Variants in PRDX4 observed in about 807,000 individuals in gnomAD.
PRDX4 encodes the protein peroxiredoxin-4.
Under a neutral mutation model 20.5 loss-of-function variants are expected in PRDX4, and 12 were observed. The observed-to-expected ratio is 0.58, with a 90% confidence interval of 0.37 to 0.95. The LOEUF is 0.95. Among genes scored for constraint, PRDX4 ranks in the 40% least tolerant of loss-of-function variants. The pLI, the probability that PRDX4 is intolerant of heterozygous loss-of-function variation, is 0.01. For synonymous variants in PRDX4, 99 were observed against 87.5 expected, an observed-to-expected ratio of 1.13 and a Z score of -0.73; for missense variants, 180 against 207.3, an observed-to-expected ratio of 0.87 and a Z score of 0.81.
intron 4 of PRDX4, among the ~76,000 whole-genome samples, chrX:23,681,163 G>T (rs1013668207): frequency 9.0e-6 from 1 of 111,433 alleles, no homozygotes; most frequent in Non-Finnish European, 1.9e-5. Context: ...ACCCTGGGGG[G>T]CGGAGTCTGC....
intron 1 of PRDX4, among the ~76,000 whole-genome samples, chrX:23,668,046 G>T (rs185092272): frequency 8.9e-6 from 1 of 112,266 alleles, no homozygotes; most frequent in East Asian, 2.8e-4. Context: ...CCCAAAAGCC[G>T]CAGCTGAGGG....
intron 2 of PRDX4, among the ~76,000 whole-genome samples, chrX:23,673,508 T>C (rs891233862): frequency 1.8e-5 from 2 of 112,565 alleles, no homozygotes; most frequent in Admixed American, 1.9e-4. Context: ...ATCCCAGCAC[T>C]TTGGGAGGCC....
chrX:23,676,571 A>T (rs1239143022), intron 3 of PRDX4, among the ~76,000 whole-genome samples: 1 of 110,204 alleles, frequency 9.1e-6, no homozygotes, highest in Non-Finnish European at 1.9e-5. Context: ...CAGGAGAATC[A>T]TTTCAACCCA....
chrX:23,673,801 T>C (rs501655), intron 2 of PRDX4, among the ~76,000 whole-genome samples: 1 of 107,643 alleles, frequency 9.3e-6, no homozygotes, highest in East Asian at 2.9e-4. Flanking sequence ...TCCTACCCTT[T>C]AGAAAATATT....
intron 5 of PRDX4, among the ~76,000 whole-genome samples, chrX:23,682,853 AATATAT>A (rs1173209030): frequency 4.8e-3 from 71 of 14,873 alleles, no homozygotes; most frequent in Middle Eastern, 0.059. Flanking sequence ...AAAAAAAAAA[AATATAT>A]ATATATATAT....
intron 5 of PRDX4, among the ~76,000 whole-genome samples, chrX:23,682,738 T>C (rs1928096142): frequency 2.0e-5 from 2 of 98,079 alleles, no homozygotes; most frequent in South Asian, 1.0e-3. Flanking sequence ...CCCAGCATTT[T>C]GGGAGGCCAA....
In PRDX4 at chrX:23,682,452, T is replaced by C; in HGVS notation, c.656T>C (p.Leu219Pro). Residue 219 changes from leucine (L) to proline (P), a missense_variant, in exon 5 of 7, where the codon CTT becomes CCT. Around this residue, in one of 3 missense-constraint regions of PRDX4, gnomAD observed 73 missense variants for 76.5 expected, o/e 0.95. Coordinates refer to ENST00000379341, the MANE Select transcript of PRDX4 (RefSeq NM_006406.2). The part of the protein sequence containing the change: ...GILRQITLND[L>P]PVGRSVDETL... ...CTAAGACAAATTACTCTGAATGATC[T>C]TCCTGTGGGTAGATCAGTGGATGAG... is the stretch of plus-strand genomic sequence containing the variant. 1 of 1,180,496 alleles carries C rather than the reference T, an allele frequency of 8.5e-7. No individual in the cohort carries two copies. Among genetic ancestry groups the C allele is most frequent in the Non-Finnish European group, 1.1e-6 (1 of 874,659 alleles).
At chrX:23,683,241 T>C (rs1190832239) in intron 5 of PRDX4, among the ~76,000 whole-genome samples, 1 of 111,024 alleles carries the variant, frequency 9.0e-6, no homozygotes, top group East Asian at 2.8e-4. Context: ...CAGGATGCAT[T>C]CTAATGTCTC....
At chrX:23,684,260 C>T (rs1281820995) in intron 6 of PRDX4, among the ~76,000 whole-genome samples, 2 of 106,633 alleles carry the variant, frequency 1.9e-5, no homozygotes, top group Non-Finnish European at 1.9e-5. Flanking sequence ...ATACACCGTT[C>T]GAAAAAAAAA....
At chrX:23,677,798 T>A (rs745672654) in intron 3 of PRDX4, among the ~76,000 whole-genome samples, 1 of 111,793 alleles carries the variant, frequency 8.9e-6, no homozygotes, top group African/African-American at 3.2e-5. Context: ...TCAGCAGTGT[T>A]TATAAAGCAA....
chrX:23,679,774 C>T (rs113835086), intron 4 of PRDX4, among the ~76,000 whole-genome samples: 1,341 of 109,473 alleles, frequency 0.012, 15 homozygotes, highest in Middle Eastern at 0.047. Context: ...GTCAAGATAT[C>T]GAGACTATCC....
rs1927820140 is a variant in PRDX4, at chrX:23,670,330, T to C, written c.242-1199T>C. 4.5e-5 allele frequency among the ~76,000 whole-genome samples: 5 copies of C among 112,212 alleles called. No individual in the cohort carries two copies. In the South Asian group the frequency reaches 1.8e-3, roughly 41 times the overall value. ...TTTTAAGTAATTTATTTAAAGTATA[T>C]ATAATTGAATACTCTTCTGCTGTCT... On this transcript the variant is annotated intron_variant, in intron 1 of 6. Transcript: ENST00000379341.
At position 23,667,801 on chromosome X, in the gene PRDX4, C is replaced by G. The variant is rs1927761492; in HGVS notation, c.231C>G (p.Ser77Arg). The G allele has an allele frequency of 8.3e-7, 1 of 1,209,218 alleles. No individual in the cohort carries two copies. The highest frequency in any genetic ancestry group is 1.8e-5 in the African/African-American group (1 of 57,079). ...VSVADHSLHL[S>R]KAKISKPAPY... The stretch of plus-strand genomic sequence containing the variant: ...TCGCCGACCACTCCCTGCACCTAAG[C>G]AAAGCGAAGAGTAGGTGGTGTCCCG... Residue 77 changes from serine to arginine, a missense_variant, in exon 1 of 7, where the codon AGC becomes AGG. Ser to Arg is a moderately radical substitution (Grantham distance 110, BLOSUM62 -1). Coordinates refer to ENST00000379341, the MANE Select transcript of PRDX4 (RefSeq NM_006406.2).
chrX:23,675,131 T>C (rs756909369), intron 3 of PRDX4, 25 bp downstream of exon 3: 14 of 1,209,150 alleles, frequency 1.2e-5, no homozygotes, highest in Middle Eastern at 4.6e-4. Context: ...CTTATATTCG[T>C]AGAAAAAAAA....
At chrX:23,671,487 C>G (rs1360805060) in intron 1 of PRDX4, 42 bp from the exon 2 acceptor site, 7 of 1,037,489 alleles carry the variant, frequency 6.7e-6, no homozygotes, top group Non-Finnish European at 9.3e-6. Context: ...ATTCCACCAA[C>G]TTTCTCAGTG....
At chrX:23,683,886 C>A (rs866701861) in intron 6 of PRDX4, among the ~76,000 whole-genome samples, 181 bp downstream of exon 6, 5 of 94,443 alleles carry the variant, frequency 5.3e-5, no homozygotes, top group African/African-American at 3.9e-5. Flanking sequence ...TACTAAAATA[C>A]AAAAAAAAAA....
Position 23,667,513 on chromosome X carries a change from C to T in PRDX4, c.-58C>T. The T allele has an allele frequency of 1.8e-6, 2 of 1,126,022 alleles. No homozygotes were observed. Among genetic ancestry groups the T allele is most frequent in the Non-Finnish European group, 2.3e-6 (2 of 856,038 alleles). The allele number at this position is 1,126,022 out of a possible 1,213,427, so 92.8% of individuals were successfully genotyped here. On this transcript the variant is annotated 5_prime_UTR_variant, in exon 1 of 7. Coordinates refer to ENST00000379341, the MANE Select transcript of PRDX4 (RefSeq NM_006406.2). ...GCGTCGTGCACGCGGTTGTAGCTGCCCGGCGGCGGCAGAAGCGGCGCTCGC... is the reference window on the plus strand; with the variant it reads ...GCGTCGTGCACGCGGTTGTAGCTGCTCGGCGGCGGCAGAAGCGGCGCTCGC...
In PRDX4 at chrX:23,682,451, C is replaced by A; in HGVS notation, c.655C>A (p.Leu219Ile). The A allele has an allele frequency of 8.5e-7, 1 of 1,181,500 alleles. No individual in the cohort carries two copies. The highest frequency in any genetic ancestry group is 1.1e-6 in the Non-Finnish European group (1 of 875,624). Residue 219 changes from leucine (L) to isoleucine (I), a missense_variant, in exon 5 of 7, where the codon CTT (leucine) becomes ATT (isoleucine). Leu to Ile is a conservative substitution (Grantham distance 5). Around this residue, in one of 3 missense-constraint regions of PRDX4, gnomAD observed 73 missense variants for 76.5 expected, o/e 0.95. Coordinates refer to ENST00000379341, the MANE Select transcript of PRDX4 (RefSeq NM_006406.2). ...CCTAAGACAAATTACTCTGAATGAT[C>A]TTCCTGTGGGTAGATCAGTGGATGA... Reference protein sequence around the residue: ...GILRQITLNDLPVGRSVDETL... With the variant: ...GILRQITLNDIPVGRSVDETL...
chrX:23,669,737 T>C (rs1927808602), intron 1 of PRDX4, among the ~76,000 whole-genome samples: 1 of 109,217 alleles, frequency 9.2e-6, no homozygotes, highest in South Asian at 4.0e-4. Context: ...GCCAGCATGG[T>C]GAAACCCTGT....
Sources: allele counts gnomAD v4.1 joint callset (sites outside exome capture counted in the v4.1 genomes callset), GRCh38; gene constraint gnomAD v4.1.1; regional missense constraint gnomAD v4.1.1; transcripts MANE v1.5; gene names NCBI Gene and HGNC (gene_info 2026-07-23, HGNC 2026-07-21).